ADAMTS20: variants seen among roughly 807,000 people sequenced by gnomAD.
ADAMTS20 encodes the protein A disintegrin and metalloproteinase with thrombospondin motifs 20.
In ADAMTS20, 225 loss-of-function variants were observed where a neutral mutation model predicts 260.1. The observed-to-expected ratio is 0.87, with a 90% CI of 0.78 to 0.97. ADAMTS20 has a LOEUF of 0.97. Ranked by LOEUF, ADAMTS20 falls within the 50% of genes least tolerant of loss-of-function variation. The pLI, the probability that ADAMTS20 is intolerant of heterozygous loss-of-function variation, is 0.00. For missense variants in ADAMTS20, 2,400 were observed against 2,337.7 expected (o/e 1.03, Z -0.55); for synonymous variants, 802 against 769.5 (o/e 1.04, Z -0.70).
intron 3 of ADAMTS20, among the ~76,000 whole-genome samples, chr12:43,518,171 T>C (rs1342384416): frequency 1.3e-5 from 2 of 152,082 alleles, no homozygotes; most frequent in African/African-American, 4.8e-5. Context: ...AAGGAAGAAC[T>C]AAAGACAATT....
chr12:43,472,329 G>T (rs1039827001), intron 7 of ADAMTS20, among the ~76,000 whole-genome samples: 2 of 151,438 alleles, frequency 1.3e-5, no homozygotes, highest in Admixed American at 6.6e-5. Flanking sequence ...AGAAATATGG[G>T]ACTATGTGAA....
intron 29 of ADAMTS20, among the ~76,000 whole-genome samples, chr12:43,386,878 C>T (rs952569287): frequency 6.6e-6 from 1 of 152,308 alleles, no homozygotes; most frequent in African/African-American, 2.4e-5. Flanking sequence ...TTCTTGTTAG[C>T]AATTCCCCTA....
At chr12:43,488,414 C>T (rs552331112) in intron 7 of ADAMTS20, among the ~76,000 whole-genome samples, 15 of 152,202 alleles carry the variant, frequency 9.9e-5, no homozygotes, top group African/African-American at 3.6e-4. Flanking sequence ...ACAGTGACTT[C>T]GAACTTCTTT....
At position 43,452,349 on chromosome 12, in the gene ADAMTS20, T is replaced by A. The variant is rs149642853; in HGVS notation, c.2004A>T (p.Leu668=). ...TACCATCTTCAACCATATCCTTCAATAGGTAGAAATAATTGGTTCCAGCAA... is the reference window on the plus strand; with the variant it reads ...TACCATCTTCAACCATATCCTTCAAAAGGTAGAAATAATTGGTTCCAGCAA... ...CQVAGTNYFY[L]LKDMVEDGTP... The change falls in exon 14 of 39, where the codon CTA becomes CTT. Residue 668 remains leucine (L), a synonymous_variant. Transcript: ENST00000389420. The A allele has an allele frequency of 6.2e-7, 1 of 1,613,302 alleles. No individual in the cohort carries two copies. The highest frequency in any genetic ancestry group is 8.5e-7 in the Non-Finnish European group (1 of 1,179,514).
intron 9 of ADAMTS20, 139 bp from the exon 10 acceptor site, chr12:43,464,871 T>A (rs541997797): frequency 1.1e-6 from 1 of 881,936 alleles, no homozygotes; most frequent in African/African-American, 1.7e-5. Context: ...CCAACTCACA[T>A]CAATATCAGT....
Position 43,425,580 on chromosome 12 carries a change from G to T in ADAMTS20, c.4218C>A (p.Ser1406Arg). Residue 1406 changes from serine (S) to arginine (R), a missense_variant, in exon 28 of 39, where the codon AGC (serine) becomes AGA (arginine). Transcript: ENST00000389420. ...HNCEIVNKPPSVIQCHMHACP... is the reference protein window; with the variant it reads ...HNCEIVNKPPRVIQCHMHACP... ...AAGCATGCATATGACACTGTATTAC[G>T]CTAGGTGGCTTGTTTACAATTTCAC... is the stretch of plus-strand genomic sequence containing the variant. The T allele has an allele frequency of 6.2e-7, 1 of 1,608,646 alleles. No homozygotes were observed. The highest frequency in any genetic ancestry group is 1.7e-4 in the Middle Eastern group (1 of 6,048).
intron 37 of ADAMTS20, among the ~76,000 whole-genome samples, chr12:43,362,355 A>T (rs1237406334): frequency 6.6e-6 from 1 of 152,188 alleles, no homozygotes; most frequent in Non-Finnish European, 1.5e-5. Context: ...AGGCAACTGA[A>T]TGGAAAGTAG....
chr12:43,428,701 G>T lies in ADAMTS20; in HGVS notation c.3588C>A (p.Pro1196=). Residue 1196 remains proline, a synonymous_variant, in exon 25 of 39, where the codon CCC becomes CCA. Coordinates refer to ENST00000389420, the MANE Select transcript of ADAMTS20 (RefSeq NM_025003.5). The stretch of plus-strand genomic sequence containing the variant: ...AACAGTCCCATATTTCAGCAGGTCG[G>T]GGTAAGTGGGCACAATATGATTCAT... ...IADESYCAHL[P]RPAEIWDCFT... is the part of the protein sequence containing the mutation. 6.2e-7 allele frequency: 1 copy of T among 1,612,374 alleles called. No homozygotes were observed. Among genetic ancestry groups the T allele is most frequent in the Non-Finnish European group, 8.5e-7 (1 of 1,178,874 alleles).
intron 3 of ADAMTS20, among the ~76,000 whole-genome samples, chr12:43,514,287 A>G (rs531147380): frequency 1.3e-5 from 2 of 151,638 alleles, no homozygotes; most frequent in African/African-American, 4.8e-5. Flanking sequence ...TTTTCCGGCC[A>G]GGCAGGATGG....
At chr12:43,459,513 C>A (rs2137367216) in intron 11 of ADAMTS20, among the ~76,000 whole-genome samples, 1 of 152,232 alleles carries the variant, frequency 6.6e-6, no homozygotes, top group Admixed American at 6.5e-5. Context: ...GGCCTGCCAC[C>A]ATTTTGGAAG....
intron 14 of ADAMTS20, among the ~76,000 whole-genome samples, chr12:43,447,753 G>C (rs1941789782): frequency 6.6e-6 from 1 of 152,070 alleles, no homozygotes; most frequent in Admixed American, 6.6e-5. Flanking sequence ...CATAGTCTCG[G>C]CCCAAAAGCT....
At chr12:43,484,632 A>G (rs1181200394) in intron 7 of ADAMTS20, among the ~76,000 whole-genome samples, 1 of 152,186 alleles carries the variant, frequency 6.6e-6, no homozygotes, top group African/African-American at 2.4e-5. Flanking sequence ...ACCCAATCAG[A>G]CAATTTTTTT....
chr12:43,530,192 T>C (rs1943201296), intron 3 of ADAMTS20, among the ~76,000 whole-genome samples: 2 of 152,188 alleles, frequency 1.3e-5, no homozygotes, highest in South Asian at 4.1e-4. Context: ...AAAGCCTAGC[T>C]TTCCTTGAAT....
At chr12:43,503,191 C>T (rs1217366370) in intron 3 of ADAMTS20, among the ~76,000 whole-genome samples, 1 of 152,108 alleles carries the variant, frequency 6.6e-6, no homozygotes, top group East Asian at 1.9e-4. Flanking sequence ...ATTTCTCTCC[C>T]CTTCATTTTG....
intron 3 of ADAMTS20, among the ~76,000 whole-genome samples, chr12:43,530,396 T>C (rs1943203714): frequency 6.6e-6 from 1 of 152,200 alleles, no homozygotes; most frequent in Non-Finnish European, 1.5e-5. Context: ...TTGTGTTTTC[T>C]TTGAAGCCAT....
At position 43,407,299 on chromosome 12, in the gene ADAMTS20, G is replaced by T. The variant is rs146397313; in HGVS notation, c.4285-8066C>A. On this transcript the variant is annotated intron_variant, in intron 28 of 38. Coordinates refer to ENST00000389420, the MANE Select transcript of ADAMTS20 (RefSeq NM_025003.5). ...AAATGATTAACAACAAATATATCCA[G>T]CAGACTTCGATTAAATTAATATCAT... 4.7e-4 allele frequency among the ~76,000 whole-genome samples: 72 copies of T among 151,630 alleles called. No homozygotes were observed. The East Asian group carries it at 0.013, about 28-fold the overall frequency.
chr12:43,484,842 G>T (rs1045107529), intron 7 of ADAMTS20, among the ~76,000 whole-genome samples: 3 of 152,030 alleles, frequency 2.0e-5, no homozygotes, highest in Admixed American at 6.6e-5. Flanking sequence ...ACATTCAGAA[G>T]CTCAAAGAAC....
chr12:43,506,244 A>T (rs903712882), intron 3 of ADAMTS20, among the ~76,000 whole-genome samples: 11 of 151,894 alleles, frequency 7.2e-5, no homozygotes, highest in African/African-American at 1.4e-4. Context: ...TTTTTTTTTT[A>T]AATCCTGTAT....
intron 2 of ADAMTS20, among the ~76,000 whole-genome samples, chr12:43,549,441 C>T (rs563082107): frequency 6.6e-6 from 1 of 151,652 alleles, no homozygotes; most frequent in South Asian, 2.1e-4. Flanking sequence ...TACTATGTAC[C>T]CACAAAAATT....
Sources: gnomAD v4.1 joint callset for allele counts (sites outside exome capture counted in the v4.1 genomes callset) on GRCh38, gnomAD v4.1.1 for gene constraint, MANE v1.5 for transcripts, NCBI Gene and HGNC (gene_info 2026-07-23, HGNC 2026-07-21) for gene names.